The following MEGF11 variants were observed in gnomAD, a reference collection of about 807,000 sequenced individuals.
MEGF11 encodes the protein multiple epidermal growth factor-like domains protein 11.
MEGF11 carries 126 observed loss-of-function variants against 146.6 expected under a neutral mutation model. That is an observed-to-expected ratio of 0.86 (90% CI 0.74 to 1.00). MEGF11 has a LOEUF of 1.00. MEGF11 is among the 50% of genes least tolerant of loss of function. The pLI is 0.00. For synonymous variants in MEGF11, 532 were observed against 583.4 expected (o/e 0.91, Z 1.27); for missense variants, 1,509 against 1,521.2 (o/e 0.99, Z 0.13).
intron 1 of MEGF11, among the ~76,000 whole-genome samples, chr15:66,218,469 ACCCAC>A (rs2091642675): frequency 6.6e-6 from 1 of 152,074 alleles, no homozygotes; most frequent in Non-Finnish European, 1.5e-5. Context: ...CCCATTTAGG[ACCCAC>A]TCCTCGGATC....
At chr15:66,122,053 A>T (rs2088052607) in intron 3 of MEGF11, among the ~76,000 whole-genome samples, 1 of 152,164 alleles carries the variant, frequency 6.6e-6, no homozygotes, top group Non-Finnish European at 1.5e-5. Flanking sequence ...TCACGAGGTC[A>T]GGAGTTCGAG....
At chr15:65,973,943 T>C (rs568631531) in intron 7 of MEGF11, among the ~76,000 whole-genome samples, 54 of 152,304 alleles carry the variant, frequency 3.5e-4, no homozygotes, top group Admixed American at 2.6e-4. Context: ...TGGTATTATA[T>C]AACTTAAAAT....
intron 5 of MEGF11, among the ~76,000 whole-genome samples, chr15:66,069,451 T>G (rs1036346104): frequency 6.6e-6 from 1 of 152,230 alleles, no homozygotes; most frequent in African/African-American, 2.4e-5. Context: ...TGTAACACCT[T>G]ATCTAACCCA....
chr15:66,110,663 C>T (rs540695225), intron 4 of MEGF11, among the ~76,000 whole-genome samples: 21 of 152,306 alleles, frequency 1.4e-4, no homozygotes, highest in African/African-American at 4.3e-4. Flanking sequence ...CAAAGCTCAG[C>T]ACCAGGTGTT....
At chr15:66,130,743 A>AGGAAGGAAGGAAGGAAGGAT (rs2088612532) in intron 1 of MEGF11, among the ~76,000 whole-genome samples, 1 of 151,954 alleles carries the variant, frequency 6.6e-6, no homozygotes, top group Admixed American at 6.6e-5. Context: ...GAAGGAAGGA[A>AGGAAGGAAGGAAGGAAGGAT]GGAAGGAAGG....
chr15:65,898,345 C>T (rs2078402347), intron 25 of MEGF11: 2 of 985,338 alleles, frequency 2.0e-6, no homozygotes, highest in Non-Finnish European at 2.4e-6. Flanking sequence ...ACCAGTGAGC[C>T]CAGGGACATA....
At chr15:66,056,364 C>T (rs1366292033) in intron 5 of MEGF11, among the ~76,000 whole-genome samples, 2 of 152,066 alleles carry the variant, frequency 1.3e-5, no homozygotes, top group South Asian at 4.1e-4. Flanking sequence ...AAAATAGGAG[C>T]CCCAGTCAGC....
intron 10 of MEGF11, among the ~76,000 whole-genome samples, chr15:65,943,864 C>T (rs2080095477): frequency 6.6e-6 from 1 of 152,006 alleles, no homozygotes; most frequent in East Asian, 1.9e-4. Context: ...GCATGTGTAC[C>T]GTAAAAGAGC....
chr15:65,916,705 G>A, intron 17 of MEGF11, 123 bp downstream of exon 17: 1 of 1,495,930 alleles, frequency 6.7e-7, no homozygotes, highest in Non-Finnish European at 9.1e-7. Context: ...CAGGAGTCAG[G>A]TACCACCAGT....
chr15:66,157,516 G>A (rs555033584), intron 1 of MEGF11, among the ~76,000 whole-genome samples: 55 of 152,306 alleles, frequency 3.6e-4, no homozygotes, highest in African/African-American at 1.3e-3. Context: ...CTATGTACAA[G>A]GCTTTGTGCC....
intron 5 of MEGF11, among the ~76,000 whole-genome samples, chr15:65,989,008 T>A (rs2081953307): frequency 6.6e-6 from 1 of 152,190 alleles, no homozygotes; most frequent in African/African-American, 2.4e-5. Flanking sequence ...CAGATCAGCA[T>A]CACTGGGGCA....
At chr15:66,019,073 C>A (rs943737981) in intron 5 of MEGF11, among the ~76,000 whole-genome samples, 1 of 152,192 alleles carries the variant, frequency 6.6e-6, no homozygotes, top group Non-Finnish European at 1.5e-5. Context: ...TGTCTCCACA[C>A]GTCAGGCTTG....
At chr15:66,098,096 G>A (rs574414989) in intron 4 of MEGF11, among the ~76,000 whole-genome samples, 55 of 152,350 alleles carry the variant, frequency 3.6e-4, no homozygotes, top group Non-Finnish European at 6.6e-4. Flanking sequence ...CACAAATGCA[G>A]GATAGAGCTT....
At chr15:66,063,898 T>G (rs2085008780) in intron 5 of MEGF11, among the ~76,000 whole-genome samples, 1 of 152,218 alleles carries the variant, frequency 6.6e-6, no homozygotes, top group South Asian at 2.1e-4. Flanking sequence ...ATGACTATCC[T>G]TACTTTTTTC....
At chr15:66,199,624 CA>C (rs994682038) in intron 1 of MEGF11, among the ~76,000 whole-genome samples, 1 of 151,996 alleles carries the variant, frequency 6.6e-6, no homozygotes, top group Non-Finnish European at 1.5e-5. Flanking sequence ...CCAACACTAA[CA>C]AAAAAATTTA....
intron 4 of MEGF11, among the ~76,000 whole-genome samples, chr15:66,107,329 C>T (rs1226660244): frequency 6.6e-6 from 1 of 152,226 alleles, no homozygotes; most frequent in African/African-American, 2.4e-5. Flanking sequence ...CTCAGCAGCC[C>T]TCACTGAAGA....
intron 4 of MEGF11, among the ~76,000 whole-genome samples, chr15:66,113,571 C>T (rs756957293): frequency 1.3e-5 from 2 of 152,208 alleles, no homozygotes; most frequent in Non-Finnish European, 2.9e-5. Context: ...AGGGGATGCA[C>T]CTGCTGGGCC....
At chr15:66,094,525 C>G in intron 4 of MEGF11, 31 bp from the exon 5 acceptor site, 1 of 1,533,382 alleles carries the variant, frequency 6.5e-7, no homozygotes, top group Non-Finnish European at 8.8e-7. Flanking sequence ...GGAGGAAGAA[C>G]CAGAACAAAC....
At chr15:65,918,314 C>T (rs2079069394) in intron 15 of MEGF11, among the ~76,000 whole-genome samples, 1 of 152,208 alleles carries the variant, frequency 6.6e-6, no homozygotes, top group South Asian at 2.1e-4. Context: ...CTTCAGAAGG[C>T]TCTATTATGA....
Sources: gnomAD v4.1 joint callset for allele counts (sites outside exome capture counted in the v4.1 genomes callset) on GRCh38, gnomAD v4.1.1 for gene constraint, MANE v1.5 for transcripts, NCBI Gene and HGNC (gene_info 2026-07-23, HGNC 2026-07-21) for gene names.